NLGN4X: variants seen among roughly 807,000 people sequenced by gnomAD.
The protein encoded by NLGN4X is neuroligin-4, X-linked.
In NLGN4X, 3 loss-of-function variants were observed where a neutral mutation model predicts 40.3. The observed-to-expected ratio is 0.07, with a 90% confidence interval of 0.03 to 0.19. The LOEUF (loss-of-function observed/expected upper bound fraction) is 0.19, where lower values mean the gene tolerates loss of function less well. NLGN4X is among the 10% of genes least tolerant of loss of function. The pLI is 1.00. For missense variants in NLGN4X, 382 were observed against 708.3 expected, an observed-to-expected ratio of 0.54 and a Z score of 5.23; for synonymous variants, 270 against 306.8, an observed-to-expected ratio of 0.88 and a Z score of 1.25.
chrX:6,112,537 C>T (rs1602251388), intron 2 of NLGN4X, among the ~76,000 whole-genome samples: 1 of 108,932 alleles, frequency 9.2e-6, no homozygotes, highest in Admixed American at 9.8e-5. Context: ...ATACTCTGCC[C>T]TCAAGGAGGG....
intron 1 of NLGN4X, among the ~76,000 whole-genome samples, chrX:6,174,558 GAATA>G (rs756790182): frequency 5.5e-4 from 62 of 112,153 alleles, no homozygotes; most frequent in African/African-American, 1.9e-3. Context: ...GTGGTGGGTG[GAATA>G]AATAAAGAAA....
At chrX:6,000,451 A>G (rs1327987276) in intron 3 of NLGN4X, among the ~76,000 whole-genome samples, 1 of 111,583 alleles carries the variant, frequency 9.0e-6, no homozygotes, top group Non-Finnish European at 1.9e-5. Context: ...CTCACAAAAG[A>G]GAAAAGCAGC....
intron 3 of NLGN4X, among the ~76,000 whole-genome samples, chrX:6,028,378 T>C (rs1234625886): frequency 9.0e-6 from 1 of 111,100 alleles, no homozygotes; most frequent in African/African-American, 3.3e-5. Context: ...AGATGAATGA[T>C]GGCCGGGCGT....
chrX:5,914,811 CTGTT>C (rs1180539990), intron 3 of NLGN4X, among the ~76,000 whole-genome samples: 2 of 111,689 alleles, frequency 1.8e-5, no homozygotes, highest in Non-Finnish European at 3.8e-5. Context: ...AAAAAGAAAT[CTGTT>C]TGGTTAGAAT....
At chrX:6,023,646 T>C (rs546557851) in intron 3 of NLGN4X, among the ~76,000 whole-genome samples, 2 of 111,961 alleles carry the variant, frequency 1.8e-5, no homozygotes, top group African/African-American at 6.5e-5. Flanking sequence ...AGGTTAACTC[T>C]TCCAAGGGAG....
At chrX:5,947,302 T>C (rs1289675400) in intron 3 of NLGN4X, among the ~76,000 whole-genome samples, 1 of 111,765 alleles carries the variant, frequency 8.9e-6, no homozygotes, top group Non-Finnish European at 1.9e-5. Context: ...CTTCCACCAA[T>C]AGTGTATAAG....
chrX:6,041,034 G>C (rs375738263), intron 2 of NLGN4X, among the ~76,000 whole-genome samples: 3 of 111,439 alleles, frequency 2.7e-5, no homozygotes, highest in South Asian at 3.8e-4. Flanking sequence ...TGGACATTCC[G>C]GATGTGGGGG....
At chrX:6,014,053 G>A (rs761739249) in intron 3 of NLGN4X, among the ~76,000 whole-genome samples, 1 of 108,437 alleles carries the variant, frequency 9.2e-6, no homozygotes, top group South Asian at 4.1e-4. Context: ...ATGGTGGTGC[G>A]GGCCTGTAGT....
intron 3 of NLGN4X, among the ~76,000 whole-genome samples, chrX:5,981,515 A>T (rs1168051223): frequency 1.8e-5 from 2 of 108,459 alleles, no homozygotes; most frequent in Non-Finnish European, 3.8e-5. Flanking sequence ...GAGATTTTTT[A>T]AAAGTAGACT....
intron 2 of NLGN4X, among the ~76,000 whole-genome samples, chrX:6,057,536 TATC>T (rs2037662857): frequency 1.8e-5 from 2 of 112,099 alleles, no homozygotes; most frequent in African/African-American, 6.5e-5. Flanking sequence ...AATTAGTGAA[TATC>T]ATATTAATCG....
chrX:6,001,132 T>G (rs1412247042), intron 3 of NLGN4X, among the ~76,000 whole-genome samples: 2 of 111,483 alleles, frequency 1.8e-5, no homozygotes, highest in African/African-American at 6.5e-5. Context: ...GAGAACATCA[T>G]GAGGGTAACC....
intron 2 of NLGN4X, among the ~76,000 whole-genome samples, chrX:6,124,615 G>A (rs368752692): frequency 5.6e-4 from 62 of 111,645 alleles, no homozygotes; most frequent in African/African-American, 2.0e-3. Context: ...CCAGAATGCC[G>A]AGGTTGCAGT....
chrX:5,913,420 G>T (rs1461740578), intron 3 of NLGN4X, among the ~76,000 whole-genome samples: 3 of 111,341 alleles, frequency 2.7e-5, no homozygotes, highest in African/African-American at 9.8e-5. Flanking sequence ...CAAGGTGAAT[G>T]AAGAGAACAA....
chrX:5,900,231 CTATT>C (rs1438921762), intron 5 of NLGN4X, among the ~76,000 whole-genome samples: 1 of 112,144 alleles, frequency 8.9e-6, no homozygotes, highest in Non-Finnish European at 1.9e-5. Context: ...GCAGATATGA[CTATT>C]TATGTTAAGT....
chrX:6,151,467 G>C lies in NLGN4X; in HGVS notation c.-1C>G. The C allele has an allele frequency of 3.3e-6, 4 of 1,202,187 alleles. No homozygotes were observed. The highest frequency in any genetic ancestry group is 4.5e-6 in the Non-Finnish European group (4 of 886,975). ...ATAGCAGTCCCTGGGGCCGTGACAT[G>C]GTTCAAATCTGCATCCACATCCACA... On this transcript the variant is annotated 5_prime_UTR_variant, in exon 2 of 6. Transcript: ENST00000381095.
intron 1 of NLGN4X, among the ~76,000 whole-genome samples, chrX:6,197,443 G>GTTTTTTTTTTTTTTT (rs1602407338): frequency 2.4e-5 from 2 of 82,595 alleles, no homozygotes; most frequent in Non-Finnish European, 2.4e-5. Context: ...TTTTTTTTTT[G>GTTTTTTTTTTTTTTT]TATTTTTTAT....
intron 3 of NLGN4X, among the ~76,000 whole-genome samples, chrX:5,951,578 T>TA (rs763158221): frequency 0.023 from 2,520 of 110,440 alleles, 29 homozygotes; most frequent in Non-Finnish European, 0.035. Flanking sequence ...CCACGGCTTG[T>TA]AAAAAAAATT....
chrX:6,218,293 TGAA>T (rs771027981), intron 1 of NLGN4X, among the ~76,000 whole-genome samples: 1 of 112,074 alleles, frequency 8.9e-6, no homozygotes, highest in African/African-American at 3.2e-5. Context: ...GTCGGTCTGT[TGAA>T]GAAGTTAAAA....
At chrX:6,195,900 T>C (rs978306808) in intron 1 of NLGN4X, among the ~76,000 whole-genome samples, 1 of 111,168 alleles carries the variant, frequency 9.0e-6, no homozygotes, top group African/African-American at 3.3e-5. Flanking sequence ...GTGATCCCCC[T>C]GCCTCTCAGC....
Sources: gnomAD v4.1 joint callset for allele counts (sites outside exome capture counted in the v4.1 genomes callset) on GRCh38, gnomAD v4.1.1 for gene constraint, MANE v1.5 for transcripts, NCBI Gene and HGNC (gene_info 2026-07-23, HGNC 2026-07-21) for gene names.